The following NTM variants were observed in gnomAD, a reference collection of about 807,000 sequenced individuals.
NTM encodes IgLON family member 2.
A neutral mutation model predicts 42.1 loss-of-function variants in NTM; 13 were observed. That is an observed-to-expected ratio of 0.31 (90% confidence interval 0.20 to 0.49). The LOEUF (loss-of-function observed/expected upper bound fraction) is 0.49. Ranked by LOEUF, NTM falls within the 20% of genes least tolerant of loss-of-function variation. The probability of loss-of-function intolerance (pLI) is 0.99; values close to 1 mark genes in which losing one functional copy is unlikely to be tolerated. For synonymous variants in NTM, 187 were observed against 179.2 expected, an observed-to-expected ratio of 1.04 and a Z score of -0.35; for missense variants, 373 against 452.8, an observed-to-expected ratio of 0.82 and a Z score of 1.60.
intron 2 of NTM, among the ~76,000 whole-genome samples, chr11:132,121,498 G>T (rs1193186914): frequency 6.6e-6 from 1 of 152,096 alleles, no homozygotes; most frequent in South Asian, 2.1e-4. Flanking sequence ...TAAGTAAAAA[G>T]ACTATGAAGT....
At chr11:131,717,210 A>G (rs1321632498) in intron 1 of NTM, among the ~76,000 whole-genome samples, 1 of 152,154 alleles carries the variant, frequency 6.6e-6, no homozygotes, top group Non-Finnish European at 1.5e-5. Context: ...TGTTTTGACT[A>G]TTCTGTATCT....
chr11:131,500,626 G>A (rs1444371258), intron 1 of NTM, among the ~76,000 whole-genome samples: 6 of 143,744 alleles, frequency 4.2e-5, no homozygotes, highest in African/African-American at 1.5e-4. Flanking sequence ...GGGTACATGG[G>A]CACAACGTGC....
At chr11:132,164,012 A>G (rs1409706417) in intron 3 of NTM, among the ~76,000 whole-genome samples, 2 of 152,190 alleles carry the variant, frequency 1.3e-5, no homozygotes, top group African/African-American at 4.8e-5. Flanking sequence ...ATCCAAGGTC[A>G]TGCCGCTGGT....
At chr11:131,868,504 C>T (rs1164136338) in intron 1 of NTM, among the ~76,000 whole-genome samples, 1 of 152,192 alleles carries the variant, frequency 6.6e-6, no homozygotes, top group Non-Finnish European at 1.5e-5. Flanking sequence ...AGTGGGCCGC[C>T]ACTGCCAGCA....
chr11:132,036,043 CAG>C (rs1247552909), intron 2 of NTM, among the ~76,000 whole-genome samples: 16 of 152,240 alleles, frequency 1.1e-4, no homozygotes, highest in Middle Eastern at 3.4e-3. Flanking sequence ...CATGTAATTA[CAG>C]AGTTATTACA....
At chr11:132,321,523 C>T (rs932726717) in intron 7 of NTM, among the ~76,000 whole-genome samples, 1 of 152,108 alleles carries the variant, frequency 6.6e-6, no homozygotes, top group African/African-American at 2.4e-5. Flanking sequence ...AAATATGGGA[C>T]TATGTGAAAA....
At chr11:131,650,597 C>G (rs188900599) in intron 1 of NTM, among the ~76,000 whole-genome samples, 3 of 152,146 alleles carry the variant, frequency 2.0e-5, no homozygotes, top group Admixed American at 2.0e-4. Context: ...GATTATGTGC[C>G]TGGCTCACAG....
intron 7 of NTM, among the ~76,000 whole-genome samples, chr11:132,315,532 G>A (rs2095406207): frequency 6.6e-6 from 1 of 152,152 alleles, no homozygotes; most frequent in South Asian, 2.1e-4. Flanking sequence ...TTTCAAACCT[G>A]TCTCCCCAAT....
chr11:132,307,614 A>G, intron 4 of NTM, 75 bp from the exon 5 acceptor site: 3 of 1,589,532 alleles, frequency 1.9e-6, no homozygotes, highest in Non-Finnish European at 2.6e-6. Flanking sequence ...ACCATTTTAT[A>G]CTTTGTTTTC....
chr11:131,536,411 G>A (rs572565864), intron 1 of NTM: 6 of 152,324 alleles, frequency 3.9e-5, no homozygotes, highest in Admixed American at 3.9e-4. Flanking sequence ...CATGCACATA[G>A]AGTATGGAGC....
chr11:132,062,136 A>G (rs1263360321), intron 2 of NTM, among the ~76,000 whole-genome samples: 2 of 152,192 alleles, frequency 1.3e-5, no homozygotes, highest in Non-Finnish European at 2.9e-5. Context: ...GTTTTGCCTC[A>G]CTTGGAAGTA....
chr11:132,031,737 G>A (rs2075947513), intron 2 of NTM, among the ~76,000 whole-genome samples: 1 of 152,192 alleles, frequency 6.6e-6, no homozygotes, highest in South Asian at 2.1e-4. Context: ...CAGGACAGAG[G>A]TGCAGGCTGG....
intron 2 of NTM, among the ~76,000 whole-genome samples, chr11:131,915,723 G>A (rs1404618085): frequency 6.6e-6 from 1 of 152,096 alleles, no homozygotes; most frequent in Admixed American, 6.6e-5. Flanking sequence ...CATGGCAGAA[G>A]GCAAAAGGCA....
chr11:131,753,275 A>G (rs569761049), intron 1 of NTM, among the ~76,000 whole-genome samples: 1 of 152,184 alleles, frequency 6.6e-6, no homozygotes, highest in Admixed American at 6.5e-5. Flanking sequence ...AAATAGGAAC[A>G]CTTTTACACT....
intron 1 of NTM, among the ~76,000 whole-genome samples, chr11:131,729,349 T>A (rs905664293): frequency 6.6e-6 from 1 of 152,336 alleles, no homozygotes; most frequent in South Asian, 2.1e-4. Context: ...TATTGTGGAC[T>A]GCTAATGAAG....
intron 1 of NTM, among the ~76,000 whole-genome samples, chr11:131,856,023 T>C (rs751989007): frequency 6.6e-6 from 1 of 152,210 alleles, no homozygotes; most frequent in Non-Finnish European, 1.5e-5. Context: ...GTTGAATACA[T>C]GAAAGAAGAA....
chr11:132,092,289 G>A (rs565586119), intron 2 of NTM, among the ~76,000 whole-genome samples: 10 of 152,200 alleles, frequency 6.6e-5, no homozygotes, highest in Admixed American at 3.3e-4. Flanking sequence ...ACTTGTTGTC[G>A]CTTCTTTTTC....
chr11:132,122,908 G>T (rs1270370644), intron 2 of NTM, among the ~76,000 whole-genome samples: 1 of 152,034 alleles, frequency 6.6e-6, no homozygotes, highest in Non-Finnish European at 1.5e-5. Context: ...CACACACACA[G>T]ACTCACTCAT....
At chr11:132,067,293 C>A (rs992970629) in intron 2 of NTM, among the ~76,000 whole-genome samples, 1 of 152,212 alleles carries the variant, frequency 6.6e-6, no homozygotes, top group African/African-American at 2.4e-5. Flanking sequence ...TGTGCCCAAC[C>A]TTTGGCTTCC....
Sources: gnomAD v4.1 joint callset for allele counts (sites outside exome capture counted in the v4.1 genomes callset) on GRCh38, gnomAD v4.1.1 for gene constraint, MANE v1.5 for transcripts, NCBI Gene and HGNC (gene_info 2026-07-23, HGNC 2026-07-21) for gene names.